FRMPD4: variants seen among roughly 807,000 people sequenced by gnomAD.
FRMPD4 encodes the protein FERM and PDZ domain-containing protein 4.
In FRMPD4, 22 loss-of-function variants were observed where a neutral mutation model predicts 94.1. The observed-to-expected ratio is 0.23, with a 90% CI of 0.17 to 0.33. The LOEUF is 0.33. Ranked by LOEUF, FRMPD4 falls within the 10% of genes least tolerant of loss-of-function variation. FRMPD4 has a pLI of 1.00. For synonymous variants in FRMPD4, 631 were observed against 548.6 expected (o/e 1.15, Z -2.10); for missense variants, 1,111 against 1,339.9 (o/e 0.83, Z 2.67).
At chrX:12,165,177 T>A (rs2056093732) in intron 1 of FRMPD4, among the ~76,000 whole-genome samples, 1 of 112,140 alleles carries the variant, frequency 8.9e-6, no homozygotes, top group South Asian at 3.7e-4. Context: ...GTTTTTATGG[T>A]TTTAGGTCTA....
chrX:12,304,528 G>T (rs1850367148), intron 1 of FRMPD4, among the ~76,000 whole-genome samples: 1 of 111,092 alleles, frequency 9.0e-6, no homozygotes, highest in Admixed American at 9.6e-5. Context: ...CTGCTTTATA[G>T]TAAGCCTGTA....
chrX:12,258,073 A>T (rs1310448444), intron 1 of FRMPD4, among the ~76,000 whole-genome samples: 2 of 110,506 alleles, frequency 1.8e-5, no homozygotes, highest in African/African-American at 6.6e-5. Flanking sequence ...CCACCAAGAA[A>T]ATCCTCCCTA....
chrX:11,897,479 G>A (rs2053910813), intron 3 of FRMPD4, among the ~76,000 whole-genome samples: 1 of 112,253 alleles, frequency 8.9e-6, no homozygotes. Flanking sequence ...CTGTGTGTTA[G>A]TAATTGTTGA....
chrX:12,382,505 GCAT>G (rs113239402), intron 1 of FRMPD4, among the ~76,000 whole-genome samples: 3,848 of 68,280 alleles, frequency 0.056, 141 homozygotes, highest in Non-Finnish European at 0.085. Flanking sequence ...GCATAGCATA[GCAT>G]AGCATAGCAT....
At chrX:12,216,735 G>C (rs2056811776) in intron 1 of FRMPD4, among the ~76,000 whole-genome samples, 1 of 111,851 alleles carries the variant, frequency 8.9e-6, no homozygotes. Flanking sequence ...ATATCTGGGA[G>C]GCACATTCAT....
Position 12,229,680 on chromosome X carries a change from C to T in FRMPD4, c.41+90668C>T, listed in dbSNP as rs1345100805. The stretch of plus-strand genomic sequence containing the variant: ...CTTCTCCACTGGCCTTTCTCCCAGG[C>T]GTCCATCATAAGTTGGTCTCACCCA... On this transcript the variant is annotated intron_variant, in intron 1 of 16. Coordinates refer to ENST00000675598, the MANE Select transcript of FRMPD4 (RefSeq NM_001368397.1). 3.6e-5 allele frequency among the ~76,000 whole-genome samples: 4 copies of T among 111,723 alleles called. No individual in the cohort carries two copies. The East Asian group carries it at 1.1e-3, about 31-fold the overall frequency.
At chrX:12,199,802 T>C (rs1004459880) in intron 1 of FRMPD4, among the ~76,000 whole-genome samples, 39 of 111,552 alleles carry the variant, frequency 3.5e-4, no homozygotes, top group Non-Finnish European at 1.1e-4. Flanking sequence ...CAAATCAGTC[T>C]CCCTGAAAAC....
intron 2 of FRMPD4, among the ~76,000 whole-genome samples, chrX:12,520,776 C>T (rs948564629): frequency 1.8e-5 from 2 of 112,121 alleles, no homozygotes; most frequent in African/African-American, 6.5e-5. Flanking sequence ...AAGCCACACA[C>T]CCAAAACTGA....
intron 2 of FRMPD4, among the ~76,000 whole-genome samples, chrX:12,527,692 A>T (rs755238923): frequency 9.0e-6 from 1 of 111,440 alleles, no homozygotes; most frequent in Admixed American, 9.5e-5. Context: ...CACTGGGTCA[A>T]TATACCTGAA....
chrX:12,474,574 A>G (rs1295903531), intron 1 of FRMPD4, among the ~76,000 whole-genome samples: 4 of 111,983 alleles, frequency 3.6e-5, no homozygotes, highest in Admixed American at 2.8e-4. Context: ...TAAGACTAAT[A>G]AAGAAGAAAA....
At position 12,498,677 on chromosome X, in the gene FRMPD4, C is replaced by A; in HGVS notation, c.42-3C>A. ...ATGATGCTTTTTTTTTTTTCTTTTC[C>A]AGCCACAGGACGAAGTCTTCAGGCT... On this transcript the variant is annotated splice_region_variant and splice_polypyrimidine_tract_variant and intron_variant, in intron 1 of 16. Coordinates refer to ENST00000675598, the MANE Select transcript of FRMPD4 (RefSeq NM_001368397.1). The A allele has an allele frequency of 9.0e-7, 1 of 1,107,439 alleles. No homozygotes were observed. Among genetic ancestry groups the A allele is most frequent in the Non-Finnish European group, 1.2e-6 (1 of 806,009 alleles). The allele number at this position is 1,107,439 out of a possible 1,213,427, so 91.3% of individuals were successfully genotyped here. A position where few individuals can be genotyped will look rare whatever the true frequency, so the allele number is the denominator to read the frequency against.
At chrX:11,850,463 G>A (rs965431482) in intron 1 of FRMPD4, among the ~76,000 whole-genome samples, 25 of 112,164 alleles carry the variant, frequency 2.2e-4, no homozygotes, top group Middle Eastern at 9.3e-3. Flanking sequence ...ATACACAAAA[G>A]CATTGAAAGC....
At chrX:12,029,981 T>A (rs187441736) in intron 3 of FRMPD4, among the ~76,000 whole-genome samples, 1 of 111,713 alleles carries the variant, frequency 9.0e-6, no homozygotes, top group East Asian at 2.8e-4. Context: ...GTCCTAACAT[T>A]TCTGAGCCTC....
At chrX:11,897,964 T>C (rs2053913375) in intron 3 of FRMPD4, among the ~76,000 whole-genome samples, 1 of 111,639 alleles carries the variant, frequency 9.0e-6, no homozygotes, top group Non-Finnish European at 1.9e-5. Flanking sequence ...CCTGAAAAGA[T>C]GACATTTGCA....
At chrX:12,693,383 C>A (rs1362189997) in intron 8 of FRMPD4, among the ~76,000 whole-genome samples, 4 of 111,828 alleles carry the variant, frequency 3.6e-5, no homozygotes, top group East Asian at 5.6e-4. Flanking sequence ...AATTGATTTC[C>A]TTTTGTTGCA....
At chrX:12,289,986 C>A (rs1457766136) in intron 1 of FRMPD4, among the ~76,000 whole-genome samples, 1 of 111,745 alleles carries the variant, frequency 8.9e-6, no homozygotes, top group Non-Finnish European at 1.9e-5. Flanking sequence ...TTGGGAAATT[C>A]TATTTTGAAA....
intron 1 of FRMPD4, among the ~76,000 whole-genome samples, chrX:11,845,241 T>G (rs969147479): frequency 8.9e-6 from 1 of 111,895 alleles, no homozygotes; most frequent in Non-Finnish European, 1.9e-5. Context: ...CTTTCATTCT[T>G]TCAAACCCCA....
intron 1 of FRMPD4, among the ~76,000 whole-genome samples, chrX:12,462,765 G>A (rs749880354): frequency 7.1e-5 from 8 of 112,127 alleles, no homozygotes; most frequent in Non-Finnish European, 1.3e-4. Context: ...GAGGTGGGAC[G>A]ATCACTTGAG....
chrX:12,713,334 A>G (rs183567619), intron 14 of FRMPD4, among the ~76,000 whole-genome samples: 34 of 111,689 alleles, frequency 3.0e-4, no homozygotes, highest in Middle Eastern at 4.6e-3. Flanking sequence ...GACCCACAAC[A>G]TAAGGTTTAA....
Sources: allele counts gnomAD v4.1 joint callset (sites outside exome capture counted in the v4.1 genomes callset), GRCh38; gene constraint gnomAD v4.1.1; transcripts MANE v1.5; gene names NCBI Gene and HGNC (gene_info 2026-07-23, HGNC 2026-07-21).